The following ISX variants were observed in gnomAD, a reference collection of about 807,000 sequenced individuals.
ISX encodes the protein intestine specific homeobox.
In ISX, 15 loss-of-function variants were observed where a neutral mutation model predicts 16.9. The observed-to-expected ratio is 0.89, with a 90% CI of 0.59 to 1.36. The LOEUF is 1.36. Ranked by LOEUF, ISX falls within the 40% of genes most tolerant of loss-of-function variation. The probability of loss-of-function intolerance (pLI) is 0.00; values close to 1 mark genes in which losing one functional copy is unlikely to be tolerated. For missense variants in ISX, 316 were observed against 306.1 expected, an observed-to-expected ratio of 1.03 and a Z score of -0.24; for synonymous variants, 125 against 119.7, an observed-to-expected ratio of 1.04 and a Z score of -0.29.
rs946269808 is a variant in ISX, at chr22:35,087,170, C to T, written c.*1477C>T. On this transcript the variant is annotated 3_prime_UTR_variant, in exon 5 of 5. Transcript: ENST00000404699. Reference sequence around the variant, plus strand: ...CAACAGCCCACAGGATGCAAAAGTGCTTTGCCATCTTAAAAATGCCAGATC... The same window carrying T: ...CAACAGCCCACAGGATGCAAAAGTGTTTTGCCATCTTAAAAATGCCAGATC... 2.0e-5 allele frequency: 3 copies of T among 152,244 alleles called. No homozygotes were observed. Among genetic ancestry groups the T allele is most frequent in the African/African-American group, 7.2e-5 (3 of 41,446 alleles). 9.4% of individuals were successfully genotyped at this position (152,244 alleles called of 1,614,324 possible).
chr22:35,077,893 G>A (rs752748119), intron 2 of ISX, among the ~76,000 whole-genome samples: 3 of 152,186 alleles, frequency 2.0e-5, no homozygotes, highest in Admixed American at 6.5e-5. Context: ...ACAAGTGGAA[G>A]CTTTGAAATA....
chr22:35,068,426 A>T (rs1228987219), intron 2 of ISX, among the ~76,000 whole-genome samples: 1 of 152,198 alleles, frequency 6.6e-6, no homozygotes, highest in Non-Finnish European at 1.5e-5. Flanking sequence ...TGCAGGCAGG[A>T]AGGAGCCTGG....
chr22:35,073,522 T>C (rs1353478405), intron 2 of ISX, among the ~76,000 whole-genome samples: 1 of 152,144 alleles, frequency 6.6e-6, no homozygotes, highest in Admixed American at 6.5e-5. Context: ...GTGAGACAAA[T>C]AACCATCACA....
At chr22:35,069,371 C>T (rs1182436235) in intron 2 of ISX, among the ~76,000 whole-genome samples, 2 of 152,084 alleles carry the variant, frequency 1.3e-5, no homozygotes, top group African/African-American at 4.8e-5. Flanking sequence ...GGAAACCTAC[C>T]CTCTAAGCCC....
In ISX at chr22:35,066,448, A is replaced by T. The variant is rs1452141939; in HGVS notation, c.-351A>T. 6.5e-6 allele frequency: 1 copy of T among 153,220 alleles called. No individual in the cohort carries two copies. Among genetic ancestry groups the T allele is most frequent in the Non-Finnish European group, 1.5e-5 (1 of 68,782 alleles). 9.5% of individuals were successfully genotyped at this position (153,220 alleles called of 1,614,324 possible). A position where few individuals can be genotyped will look rare whatever the true frequency, so the allele number is the denominator to read the frequency against. On this transcript the variant is annotated 5_prime_UTR_variant, in exon 1 of 5. Transcript: ENST00000404699. The stretch of plus-strand genomic sequence containing the variant: ...CCTCCACCTGCAGGACAGCAGGAGC[A>T]CTGATGCGCTGAAGGTACGTTCTGG...
At chr22:35,075,717 T>C (rs149447134) in intron 2 of ISX, among the ~76,000 whole-genome samples, 8 of 152,308 alleles carry the variant, frequency 5.3e-5, no homozygotes, top group African/African-American at 1.9e-4. Flanking sequence ...ATTATGAAAG[T>C]GAGACCACAG....
At position 35,071,441 on chromosome 22, in the gene ISX, G is replaced by A. The variant is rs937689412; in HGVS notation, c.229+4125G>A. Among the ~76,000 whole-genome samples, 9 of 152,132 alleles carry A rather than the reference G, an allele frequency of 5.9e-5. No homozygotes were observed. In the South Asian group the frequency reaches 8.3e-4, roughly 14 times the overall value. ...GGAAAATCTGATCCATGCCTCTCTCGTAGTTTCTGGTGGTTCCAGCAACCC... is the reference window on the plus strand; with the variant it reads ...GGAAAATCTGATCCATGCCTCTCTCATAGTTTCTGGTGGTTCCAGCAACCC... On this transcript the variant is annotated intron_variant, in intron 2 of 4. Coordinates refer to ENST00000404699, the MANE Select transcript of ISX (RefSeq NM_001303508.2).
Position 35,085,915 on chromosome 22 carries a change from G to A in ISX, c.*222G>A. Reference sequence around the variant, plus strand: ...CTCTCCTGGCTAAAGCTGCTCTCCTGGTTCAGAAGACAGGCTGGATGAGAT... The same window carrying A: ...CTCTCCTGGCTAAAGCTGCTCTCCTAGTTCAGAAGACAGGCTGGATGAGAT... On this transcript the variant is annotated 3_prime_UTR_variant, in exon 5 of 5. Transcript: ENST00000404699. 2 of 588,532 alleles carry A rather than the reference G, an allele frequency of 3.4e-6. No individual in the cohort carries two copies. The highest frequency in any genetic ancestry group is 6.0e-6 in the Non-Finnish European group (2 of 333,000). 36.5% of individuals were successfully genotyped at this position (588,532 alleles called of 1,614,324 possible). A position where few individuals can be genotyped will look rare whatever the true frequency, so the allele number is the denominator to read the frequency against.
chr22:35,073,062 CAG>C (rs1928895384), intron 2 of ISX, among the ~76,000 whole-genome samples: 1 of 152,180 alleles, frequency 6.6e-6, no homozygotes. Context: ...CACAAAATGA[CAG>C]ATAGCCTTTC....
Position 35,085,929 on chromosome 22 carries a change from G to T in ISX, c.*236G>T. 1.8e-6 allele frequency: 1 copy of T among 569,516 alleles called. No homozygotes were observed. Among genetic ancestry groups the T allele is most frequent in the East Asian group, 3.0e-5 (1 of 32,990 alleles). 35.3% of individuals were successfully genotyped at this position (569,516 alleles called of 1,614,324 possible). On this transcript the variant is annotated 3_prime_UTR_variant, in exon 5 of 5. Coordinates refer to ENST00000404699, the MANE Select transcript of ISX (RefSeq NM_001303508.2). The stretch of plus-strand genomic sequence containing the variant: ...GCTGCTCTCCTGGTTCAGAAGACAG[G>T]CTGGATGAGATCTCAGGCCGAGCTC...
intron 4 of ISX, among the ~76,000 whole-genome samples, chr22:35,084,700 T>C (rs1929206133): frequency 7.1e-6 from 1 of 141,550 alleles, no homozygotes; most frequent in African/African-American, 2.5e-5. Flanking sequence ...TCTGTCCTCA[T>C]GTCTCCTCCC....
chr22:35,070,950 T>C (rs1185399329), intron 2 of ISX, among the ~76,000 whole-genome samples: 1 of 152,244 alleles, frequency 6.6e-6, no homozygotes, highest in African/African-American at 2.4e-5. Flanking sequence ...AGACAATGTG[T>C]AAATAAATGG....
Position 35,067,126 on chromosome 22 carries a change from GGAGA to G in ISX, c.42_45del (p.Arg15IlefsTer12). On this transcript the variant is annotated frameshift_variant, in exon 2 of 5. Coordinates refer to ENST00000404699, the MANE Select transcript of ISX (RefSeq NM_001303508.2). LOFTEE classifies it high-confidence loss of function. Reference sequence around the variant, plus strand: ...TGGGCCCTGCTCTCTGCAGGGGTATGGAGAGAAATAGCTTGGGGTGCTGTGAGGC... The same window carrying G: ...TGGGCCCTGCTCTCTGCAGGGGTATGGAAATAGCTTGGGGTGCTGTGAGGC... 1 of 1,614,062 alleles carries G rather than the reference GGAGA, an allele frequency of 6.2e-7. No homozygotes were observed. Among genetic ancestry groups the G allele is most frequent in the Middle Eastern group, 1.7e-4 (1 of 6,026 alleles).
In ISX at chr22:35,084,412, G is replaced by A; in HGVS notation, c.411G>A (p.Trp137Ter). 2 of 1,614,012 alleles carry A rather than the reference G, an allele frequency of 1.2e-6. No individual in the cohort carries two copies. Among genetic ancestry groups the A allele is most frequent in the Non-Finnish European group, 8.5e-7 (1 of 1,179,918 alleles). ...QIWFQNQRAK[W>*]RKQEKIGNLG... ...GGTTCCAGAATCAGCGAGCCAAGTG[G>A]CGGAAGCAGGAGAAGATTGGCAACC... The change falls in exon 4 of 5, where the codon TGG becomes TGA. Residue 137 changes from tryptophan (W) to a stop codon, truncating the protein, a stop_gained. Coordinates refer to ENST00000404699, the MANE Select transcript of ISX (RefSeq NM_001303508.2). LOFTEE classifies it high-confidence loss of function.
chr22:35,070,320 C>A (rs1005779007), intron 2 of ISX, among the ~76,000 whole-genome samples: 1 of 152,220 alleles, frequency 6.6e-6, no homozygotes, highest in African/African-American at 2.4e-5. Context: ...CTGCTCTCTC[C>A]TCCAAGGAGA....
Position 35,085,964 on chromosome 22 carries a change from G to A in ISX, c.*271G>A. ...ATCTCAGGCCGAGCTCTGAAATAGGGAGGTAATCCTCCAGCACCTGTGTTT... is the reference window on the plus strand; with the variant it reads ...ATCTCAGGCCGAGCTCTGAAATAGGAAGGTAATCCTCCAGCACCTGTGTTT... On this transcript the variant is annotated 3_prime_UTR_variant, in exon 5 of 5. Coordinates refer to ENST00000404699, the MANE Select transcript of ISX (RefSeq NM_001303508.2). 2.0e-6 allele frequency: 1 copy of A among 504,266 alleles called. No individual in the cohort carries two copies. The highest frequency in any genetic ancestry group is 3.6e-6 in the Non-Finnish European group (1 of 277,286). The allele number at this position is 504,266 out of a possible 1,614,324, so 31.2% of individuals were successfully genotyped here. A position where few individuals can be genotyped will look rare whatever the true frequency, so the allele number is the denominator to read the frequency against.
intron 2 of ISX, among the ~76,000 whole-genome samples, chr22:35,072,755 T>G (rs1444308114): frequency 2.6e-5 from 4 of 152,202 alleles, no homozygotes; most frequent in Non-Finnish European, 4.4e-5. Flanking sequence ...GCATACCTAT[T>G]GCACAACAAA....
At position 35,086,221 on chromosome 22, in the gene ISX, C is replaced by G. The variant is rs1929252782; in HGVS notation, c.*528C>G. 1 of 165,508 alleles carries G rather than the reference C, an allele frequency of 6.0e-6. No individual in the cohort carries two copies. The highest frequency in any genetic ancestry group is 1.3e-5 in the Non-Finnish European group (1 of 74,986). 10.3% of individuals were successfully genotyped at this position (165,508 alleles called of 1,614,324 possible). On this transcript the variant is annotated 3_prime_UTR_variant, in exon 5 of 5. Transcript: ENST00000404699. ...GATACAGAGATAAACAATTTGGGTTCTGTCCACGTTTGTCAAAAGGTGGTG... is the reference window on the plus strand; with the variant it reads ...GATACAGAGATAAACAATTTGGGTTGTGTCCACGTTTGTCAAAAGGTGGTG...
In ISX at chr22:35,083,551, G is replaced by A. The variant is rs141080079; in HGVS notation, c.382-832G>A. On this transcript the variant is annotated intron_variant, in intron 3 of 4. Coordinates refer to ENST00000404699, the MANE Select transcript of ISX (RefSeq NM_001303508.2). Reference sequence around the variant, plus strand: ...CTTTGCAAGTGCCACCCTAGCACACGACGTTCCACCAGATCTCACTGTGGC... The same window carrying A: ...CTTTGCAAGTGCCACCCTAGCACACAACGTTCCACCAGATCTCACTGTGGC... 4.1e-3 allele frequency among the ~76,000 whole-genome samples: 626 copies of A among 152,298 alleles called. 2 individuals are homozygous for A. The highest frequency in any genetic ancestry group is 0.013 in the African/African-American group (542 of 41,558).
Sources: allele counts gnomAD v4.1 joint callset (sites outside exome capture counted in the v4.1 genomes callset), GRCh38; gene constraint gnomAD v4.1.1; transcripts MANE v1.5; gene names NCBI Gene and HGNC (gene_info 2026-07-23, HGNC 2026-07-21).